CHST11: variants seen among roughly 807,000 people sequenced by gnomAD.
CHST11 encodes carbohydrate sulfotransferase 11, also known as C4S-1.
Under a neutral mutation model 30.4 loss-of-function variants are expected in CHST11, and 9 were observed. The observed-to-expected ratio is 0.30, with a 90% CI of 0.18 to 0.52. The LOEUF (loss-of-function observed/expected upper bound fraction) is 0.52. Ranked by LOEUF, CHST11 falls within the 20% of genes least tolerant of loss-of-function variation. The pLI, the probability that CHST11 is intolerant of heterozygous loss-of-function variation, is 0.97. For synonymous variants in CHST11, 152 were observed against 187.8 expected (o/e 0.81, Z 1.56); for missense variants, 348 against 460.6 (o/e 0.76, Z 2.24).
At chr12:104,482,935 C>T (rs569422219) in intron 1 of CHST11, among the ~76,000 whole-genome samples, 2 of 152,212 alleles carry the variant, frequency 1.3e-5, no homozygotes, top group South Asian at 4.1e-4. Flanking sequence ...TAGACTTGGC[C>T]CGGAGTCAGC....
chr12:104,547,476 T>C (rs898834471), intron 1 of CHST11, among the ~76,000 whole-genome samples: 4 of 152,164 alleles, frequency 2.6e-5, no homozygotes, highest in Non-Finnish European at 1.5e-5. Context: ...CCCATGACTG[T>C]GGGTGCAGGG....
chr12:104,744,509 C>T (rs1028117886), intron 2 of CHST11, among the ~76,000 whole-genome samples: 19 of 152,078 alleles, frequency 1.2e-4, no homozygotes, highest in Non-Finnish European at 2.2e-4. Flanking sequence ...AGACCTTTGT[C>T]GGATGCATAG....
At chr12:104,595,248 T>G (rs1398637357) in intron 1 of CHST11, among the ~76,000 whole-genome samples, 2 of 152,172 alleles carry the variant, frequency 1.3e-5, no homozygotes, top group Non-Finnish European at 2.9e-5. Context: ...ACTATTTTTG[T>G]GTTATTATTA....
intron 2 of CHST11, among the ~76,000 whole-genome samples, chr12:104,706,538 G>A (rs1273340848): frequency 6.6e-6 from 1 of 151,978 alleles, no homozygotes; most frequent in South Asian, 2.1e-4. Flanking sequence ...TTTGAGAAGC[G>A]ACCCCCTGGC....
At chr12:104,732,067 C>T (rs943583493) in intron 2 of CHST11, among the ~76,000 whole-genome samples, 2 of 152,242 alleles carry the variant, frequency 1.3e-5, no homozygotes, top group African/African-American at 4.8e-5. Context: ...CAGCTATGCT[C>T]GGTCCCTCCA....
chr12:104,697,113 A>T (rs1463959904), intron 2 of CHST11, among the ~76,000 whole-genome samples: 2 of 152,246 alleles, frequency 1.3e-5, no homozygotes, highest in Non-Finnish European at 1.5e-5. Flanking sequence ...ATGCACAAGT[A>T]TAAGTGTGTC....
chr12:104,475,929 CG>C (rs2037556225), intron 1 of CHST11, among the ~76,000 whole-genome samples: 1 of 140,892 alleles, frequency 7.1e-6, no homozygotes, highest in African/African-American at 2.6e-5. Flanking sequence ...TTTTTAGAAG[CG>C]GGTCCCTTAT....
chr12:104,611,838 C>G (rs1003639384), intron 2 of CHST11, among the ~76,000 whole-genome samples: 1 of 152,178 alleles, frequency 6.6e-6, no homozygotes, highest in African/African-American at 2.4e-5. Context: ...TATATCTTAA[C>G]TTTGATTTCA....
At chr12:104,694,325 G>A (rs370830889) in intron 2 of CHST11, among the ~76,000 whole-genome samples, 7 of 152,220 alleles carry the variant, frequency 4.6e-5, no homozygotes, top group African/African-American at 1.7e-4. Context: ...GTGGAATGTG[G>A]GTAATAGCAC....
intron 2 of CHST11, among the ~76,000 whole-genome samples, chr12:104,731,953 A>T (rs1006054684): frequency 6.6e-6 from 1 of 152,228 alleles, no homozygotes; most frequent in Non-Finnish European, 1.5e-5. Flanking sequence ...AGCCCAGCAG[A>T]TTGGCCTTTG....
At chr12:104,708,371 G>A (rs542666327) in intron 2 of CHST11, among the ~76,000 whole-genome samples, 33 of 152,328 alleles carry the variant, frequency 2.2e-4, no homozygotes, top group African/African-American at 7.0e-4. Flanking sequence ...GTTGTCAAAG[G>A]CGCCAGCTTT....
intron 2 of CHST11, among the ~76,000 whole-genome samples, chr12:104,639,448 G>GC (rs1324544780): frequency 6.6e-6 from 1 of 152,156 alleles, no homozygotes; most frequent in African/African-American, 2.4e-5. Context: ...CACACAGTAA[G>GC]CCAATCACTG....
intron 2 of CHST11, among the ~76,000 whole-genome samples, chr12:104,647,411 T>C (rs2039444725): frequency 1.3e-5 from 2 of 152,086 alleles, no homozygotes; most frequent in Admixed American, 6.5e-5. Flanking sequence ...CAAAGAAAAA[T>C]GATCATTTTG....
chr12:104,615,647 C>G (rs2039101530), intron 2 of CHST11, among the ~76,000 whole-genome samples: 1 of 152,192 alleles, frequency 6.6e-6, no homozygotes, highest in African/African-American at 2.4e-5. Context: ...TAAGAATTGG[C>G]CGGGCTCGGT....
chr12:104,580,168 T>C (rs1045920718), intron 1 of CHST11, among the ~76,000 whole-genome samples: 1 of 152,180 alleles, frequency 6.6e-6, no homozygotes, highest in Non-Finnish European at 1.5e-5. Context: ...CCCCCTACAT[T>C]TGGGGAATGG....
chr12:104,591,768 G>T (rs2038861110), intron 1 of CHST11: 1 of 153,938 alleles, frequency 6.5e-6, no homozygotes, highest in Non-Finnish European at 1.5e-5. Context: ...CCACGGGTGT[G>T]TTGTAAAATG....
chr12:104,537,387 TA>T (rs1317529127), intron 1 of CHST11, among the ~76,000 whole-genome samples: 1 of 151,208 alleles, frequency 6.6e-6, no homozygotes, highest in Non-Finnish European at 1.5e-5. Flanking sequence ...TCCACGACAT[TA>T]GGGGGGTAGT....
chr12:104,540,535 C>T (rs552543401), intron 1 of CHST11, among the ~76,000 whole-genome samples: 45 of 152,296 alleles, frequency 3.0e-4, no homozygotes, highest in South Asian at 2.9e-3. Context: ...ACAGGAACCT[C>T]GAGCTATTGG....
chr12:104,714,756 G>A (rs1013717789), intron 2 of CHST11, among the ~76,000 whole-genome samples: 6 of 152,144 alleles, frequency 3.9e-5, no homozygotes, highest in African/African-American at 1.4e-4. Flanking sequence ...GAGATAAAAA[G>A]ACTACCTGGG....
Sources: gnomAD v4.1 joint callset for allele counts (sites outside exome capture counted in the v4.1 genomes callset) on GRCh38, gnomAD v4.1.1 for gene constraint, MANE v1.5 for transcripts, NCBI Gene and HGNC (gene_info 2026-07-23, HGNC 2026-07-21) for gene names.